Variants in CFAP299 observed in about 807,000 individuals in gnomAD.
CFAP299 encodes the protein cilia and flagella associated protein 299.
CFAP299 carries 21 observed loss-of-function variants against 27.0 expected under a neutral mutation model. The ratio of observed to expected loss-of-function variants is 0.78; its 90% CI spans 0.55 to 1.12. The LOEUF (loss-of-function observed/expected upper bound fraction) is 1.12, where lower values mean the gene tolerates loss of function less well. CFAP299 is among the 50% of genes most tolerant of loss of function. The pLI is 0.00. For synonymous variants in CFAP299, 104 were observed against 98.1 expected, an observed-to-expected ratio of 1.06 and a Z score of -0.36; for missense variants, 310 against 276.6, an observed-to-expected ratio of 1.12 and a Z score of -0.86.
intron 3 of CFAP299, among the ~76,000 whole-genome samples, chr4:80,768,383 G>A (rs1169542696): frequency 2.0e-5 from 3 of 152,034 alleles, no homozygotes; most frequent in African/African-American, 7.2e-5. Flanking sequence ...AAAAATCAGT[G>A]GGAATATGAA....
At chr4:80,945,271 G>C (rs1375395005) in intron 5 of CFAP299, among the ~76,000 whole-genome samples, 1 of 152,204 alleles carries the variant, frequency 6.6e-6, no homozygotes, top group South Asian at 2.1e-4. Context: ...ACTTGTTGCT[G>C]TTAGTGGGGA....
chr4:80,718,498 G>A (rs1355389329), intron 3 of CFAP299, among the ~76,000 whole-genome samples: 1 of 151,930 alleles, frequency 6.6e-6, no homozygotes, highest in Non-Finnish European at 1.5e-5. Flanking sequence ...TAATAGTAGT[G>A]GAAGTTTAGA....
intron 4 of CFAP299, among the ~76,000 whole-genome samples, chr4:80,905,543 A>T (rs182904098): frequency 4.5e-4 from 69 of 152,280 alleles, no homozygotes; most frequent in South Asian, 2.5e-3. Context: ...TGTATTAGTC[A>T]GTTTTCACAC....
intron 3 of CFAP299, among the ~76,000 whole-genome samples, chr4:80,770,829 G>A (rs952939243): frequency 6.6e-6 from 1 of 152,040 alleles, no homozygotes; most frequent in East Asian, 1.9e-4. Context: ...GTCAGATGAG[G>A]CCACTCTCAG....
At chr4:80,662,540 C>T (rs1195146793) in intron 3 of CFAP299, among the ~76,000 whole-genome samples, 2 of 151,968 alleles carry the variant, frequency 1.3e-5, no homozygotes, top group East Asian at 3.9e-4. Context: ...CTGAATACAG[C>T]AGTGGAGGGT....
At chr4:80,665,022 C>T (rs1167983480) in intron 3 of CFAP299, among the ~76,000 whole-genome samples, 1 of 152,126 alleles carries the variant, frequency 6.6e-6, no homozygotes, top group Non-Finnish European at 1.5e-5. Flanking sequence ...GAGGCAACGC[C>T]TCATCCTGCT....
intron 2 of CFAP299, among the ~76,000 whole-genome samples, chr4:80,482,363 T>C (rs1441275197): frequency 3.3e-5 from 5 of 152,088 alleles, no homozygotes; most frequent in African/African-American, 9.7e-5. Flanking sequence ...AGTATTCTTT[T>C]TGGAAATATT....
At position 80,855,227 on chromosome 4, in the gene CFAP299, T is replaced by C. The variant is rs193223997; in HGVS notation, c.334-14766T>C. Among the ~76,000 whole-genome samples the C allele has an allele frequency of 3.8e-3, 576 of 152,194 alleles. 1 individual carries two copies. The highest frequency in any genetic ancestry group is 0.014 in the Middle Eastern group (4 of 294). On this transcript the variant is annotated intron_variant, in intron 3 of 5. Coordinates refer to ENST00000358105, the MANE Select transcript of CFAP299 (RefSeq NM_152770.3). Reference sequence around the variant, plus strand: ...GCATATATATTATATGCATACACATTTGTGTACATGGGTGTGTTTCTGAAG... The same window carrying C: ...GCATATATATTATATGCATACACATCTGTGTACATGGGTGTGTTTCTGAAG...
intron 2 of CFAP299, among the ~76,000 whole-genome samples, chr4:80,434,589 C>A (rs183575779): frequency 6.6e-6 from 1 of 152,176 alleles, no homozygotes; most frequent in South Asian, 2.1e-4. Flanking sequence ...AAGCCTGCAT[C>A]GCCTGTAAGA....
intron 3 of CFAP299, among the ~76,000 whole-genome samples, chr4:80,769,062 A>G (rs1244872274): frequency 6.6e-6 from 1 of 152,198 alleles, no homozygotes; most frequent in African/African-American, 2.4e-5. Flanking sequence ...AGATTACTTT[A>G]GGTTAAATGT....
chr4:80,428,154 G>T (rs1727616484), intron 2 of CFAP299, among the ~76,000 whole-genome samples: 1 of 152,150 alleles, frequency 6.6e-6, no homozygotes, highest in Admixed American at 6.5e-5. Flanking sequence ...CCTTACCCCT[G>T]TTTTTGTTAC....
intron 4 of CFAP299, among the ~76,000 whole-genome samples, chr4:80,927,427 T>TA (rs1269379170): frequency 1.3e-5 from 2 of 152,120 alleles, no homozygotes; most frequent in Non-Finnish European, 2.9e-5. Flanking sequence ...AGGTCTAATA[T>TA]ATTGGTTTCC....
At chr4:80,952,143 G>A (rs902030162) in intron 5 of CFAP299, among the ~76,000 whole-genome samples, 1 of 152,094 alleles carries the variant, frequency 6.6e-6, no homozygotes, top group Admixed American at 6.6e-5. Flanking sequence ...TTAAATGTAG[G>A]GCAGGAACCC....
chr4:80,390,710 T>C (rs1047022409), intron 2 of CFAP299, among the ~76,000 whole-genome samples: 2 of 142,982 alleles, frequency 1.4e-5, no homozygotes, highest in Non-Finnish European at 3.0e-5. Context: ...TATGTATATA[T>C]GTATACACAC....
intron 2 of CFAP299, among the ~76,000 whole-genome samples, chr4:80,397,123 C>G (rs1485252772): frequency 6.6e-6 from 1 of 151,800 alleles, no homozygotes; most frequent in Admixed American, 6.6e-5. Flanking sequence ...GTGTATGTGT[C>G]CAGGAATTTA....
At chr4:80,742,163 T>C (rs1438380845) in intron 3 of CFAP299, among the ~76,000 whole-genome samples, 1 of 152,198 alleles carries the variant, frequency 6.6e-6, no homozygotes, top group African/African-American at 2.4e-5. Flanking sequence ...GGTACTGTTA[T>C]TGCTCATGTG....
intron 3 of CFAP299, among the ~76,000 whole-genome samples, chr4:80,594,318 A>G (rs1736942800): frequency 6.6e-6 from 1 of 152,140 alleles, no homozygotes; most frequent in African/African-American, 2.4e-5. Flanking sequence ...TAAAACCATC[A>G]GATCTCATGA....
chr4:80,692,294 A>ATACT (rs1720766446), intron 3 of CFAP299, among the ~76,000 whole-genome samples: 1 of 152,136 alleles, frequency 6.6e-6, no homozygotes, highest in South Asian at 2.1e-4. Context: ...ACTTCAAACT[A>ATACT]TACTACAAGG....
intron 3 of CFAP299, among the ~76,000 whole-genome samples, chr4:80,728,374 T>G (rs762500151): frequency 6.6e-6 from 1 of 152,182 alleles, no homozygotes; most frequent in African/African-American, 2.4e-5. Context: ...AACAGTAGAC[T>G]GGAGAATGTT....
Sources: allele counts gnomAD v4.1 joint callset (sites outside exome capture counted in the v4.1 genomes callset), GRCh38; gene constraint gnomAD v4.1.1; transcripts MANE v1.5; gene names NCBI Gene and HGNC (gene_info 2026-07-23, HGNC 2026-07-21).